CD28: variants seen among roughly 807,000 people sequenced by gnomAD.
The protein encoded by CD28 is T-cell-specific surface glycoprotein CD28.
A neutral mutation model predicts 21.4 loss-of-function variants in CD28; 8 were observed. The observed-to-expected ratio is 0.37, with a 90% CI of 0.22 to 0.68. The LOEUF is 0.68. Among genes scored for constraint, CD28 ranks in the 30% least tolerant of loss-of-function variants. CD28 has a pLI of 0.55. For missense variants in CD28, 239 were observed against 272.2 expected (o/e 0.88, Z 0.86); for synonymous variants, 106 against 104.0 (o/e 1.02, Z -0.12).
At chr2:203,710,183 G>A (rs1693273605) in intron 1 of CD28, among the ~76,000 whole-genome samples, 1 of 152,214 alleles carries the variant, frequency 6.6e-6, no homozygotes, top group Non-Finnish European at 1.5e-5. Flanking sequence ...CCAATATGCT[G>A]TGGCCAGTTT....
rs781705879 is a variant in CD28 at position 203,726,734 on chromosome 2, C to T, written c.154C>T (p.Arg52Trp). ...YSYNLFSREFRASLHKGLDSA... is the reference protein window; with the variant it reads ...YSYNLFSREFWASLHKGLDSA... ...CTACAATCTCTTCTCAAGGGAGTTCCGGGCATCCCTTCACAAAGGACTGGA... is the reference window on the plus strand; with the variant it reads ...CTACAATCTCTTCTCAAGGGAGTTCTGGGCATCCCTTCACAAAGGACTGGA... Residue 52 changes from arginine to tryptophan, a missense_variant, in exon 2 of 4, where the codon CGG (arginine) becomes TGG (tryptophan). Transcript: ENST00000324106. 7 of 1,613,948 alleles carry T rather than the reference C, an allele frequency of 4.3e-6. No homozygotes were observed. Among genetic ancestry groups the T allele is most frequent in the African/African-American group, 1.3e-5 (1 of 74,880 alleles).
At chr2:203,710,032 A>G (rs1389408545) in intron 1 of CD28, among the ~76,000 whole-genome samples, 1 of 152,274 alleles carries the variant, frequency 6.6e-6, no homozygotes, top group Admixed American at 6.5e-5. Context: ...GTCTTCAGCC[A>G]ATGACTCCCC....
intron 1 of CD28, among the ~76,000 whole-genome samples, chr2:203,720,962 T>G (rs564461890): frequency 6.6e-6 from 1 of 152,210 alleles, no homozygotes; most frequent in Admixed American, 6.5e-5. Context: ...TCCTGTGAGA[T>G]AGTTTCCTAT....
intron 1 of CD28, 77 bp downstream of exon 1, chr2:203,706,825 TA>T (rs1693169860): frequency 9.8e-6 from 11 of 1,117,874 alleles, no homozygotes; most frequent in Middle Eastern, 4.0e-4. Context: ...TTTAAATTTC[TA>T]ACAATGTGTG....
At chr2:203,730,684 T>G (rs142879259) in intron 3 of CD28, among the ~76,000 whole-genome samples, 16 of 152,362 alleles carry the variant, frequency 1.1e-4, no homozygotes, top group Non-Finnish European at 1.8e-4. Context: ...TCTCTTGATA[T>G]TCTCCATTTG....
At chr2:203,712,557 C>T (rs1392246131) in intron 1 of CD28, among the ~76,000 whole-genome samples, 1 of 152,138 alleles carries the variant, frequency 6.6e-6, no homozygotes, top group Non-Finnish European at 1.5e-5. Flanking sequence ...TTTTCTTTTC[C>T]ACTAGACTAT....
intron 3 of CD28, among the ~76,000 whole-genome samples, chr2:203,733,032 G>A (rs1693937820): frequency 6.6e-6 from 1 of 152,198 alleles, no homozygotes; most frequent in African/African-American, 2.4e-5. Flanking sequence ...GGCAAAGGGA[G>A]TCCTCAGGGT....
In CD28 at chr2:203,735,687, G is replaced by C. The variant is rs1033469988; in HGVS notation, c.*775G>C. ...GTTCTCCTACATGAAGAAAGAATATGTCAGGAAATAAGGTCACTTTATGTC... is the reference window on the plus strand; with the variant it reads ...GTTCTCCTACATGAAGAAAGAATATCTCAGGAAATAAGGTCACTTTATGTC... On this transcript the variant is annotated 3_prime_UTR_variant, in exon 4 of 4. Coordinates refer to ENST00000324106, the MANE Select transcript of CD28 (RefSeq NM_006139.4). 6.6e-6 allele frequency: 1 copy of C among 152,312 alleles called. No individual in the cohort carries two copies. The highest frequency in any genetic ancestry group is 1.5e-5 in the Non-Finnish European group (1 of 68,036). 9.4% of individuals were successfully genotyped at this position (152,312 alleles called of 1,614,324 possible). A position where few individuals can be genotyped will look rare whatever the true frequency, so the allele number is the denominator to read the frequency against.
intron 1 of CD28, among the ~76,000 whole-genome samples, chr2:203,708,439 G>T (rs967283144): frequency 1.3e-5 from 2 of 152,136 alleles, no homozygotes; most frequent in African/African-American, 4.8e-5. Context: ...GACAGTCAAG[G>T]GAAGCCTACC....
At chr2:203,724,240 GGGT>G (rs1693682119) in intron 1 of CD28, among the ~76,000 whole-genome samples, 1 of 152,174 alleles carries the variant, frequency 6.6e-6, no homozygotes, top group Admixed American at 6.5e-5. Context: ...GGAGGAAGCA[GGGT>G]GATGGTAAAT....
chr2:203,733,894 T>G (rs889478780), intron 3 of CD28, among the ~76,000 whole-genome samples: 4 of 152,096 alleles, frequency 2.6e-5, no homozygotes, highest in Admixed American at 1.3e-4. Context: ...CAGGCAGGAG[T>G]GTATGGAAAC....
chr2:203,713,834 TGAGA>T (rs879623291), intron 1 of CD28, among the ~76,000 whole-genome samples: 1 of 129,788 alleles, frequency 7.7e-6, no homozygotes, highest in African/African-American at 3.1e-5. Context: ...GTGCTGGACC[TGAGA>T]GAGAGAGAGA....
chr2:203,726,316 A>G (rs996537137), intron 1 of CD28, among the ~76,000 whole-genome samples: 2 of 152,210 alleles, frequency 1.3e-5, no homozygotes, highest in African/African-American at 4.8e-5. Flanking sequence ...ATGCATGATT[A>G]ATATTAATGT....
intron 3 of CD28, 141 bp from the exon 4 acceptor site, chr2:203,734,643 C>T: frequency 4.2e-6 from 4 of 950,852 alleles, no homozygotes; most frequent in Non-Finnish European, 6.7e-6. Flanking sequence ...TAGTCATTAC[C>T]CAAGTCCAAG....
In CD28 at chr2:203,726,632, G is replaced by T; in HGVS notation, c.53-1G>T. The T allele has an allele frequency of 1.3e-6, 2 of 1,590,534 alleles. No homozygotes were observed. Among genetic ancestry groups the T allele is most frequent in the Admixed American group, 1.8e-5 (1 of 55,266 alleles). On this transcript the variant is annotated splice_acceptor_variant, in intron 1 of 3. Coordinates refer to ENST00000324106, the MANE Select transcript of CD28 (RefSeq NM_006139.4). LOFTEE classifies it high-confidence loss of function. ...AAGCAAATGATTTTTTTTTCCCCCA[G>T]GAAACAAGATTTTGGTGAAGCAGTC...
intron 1 of CD28, among the ~76,000 whole-genome samples, chr2:203,719,742 T>C (rs1693556395): frequency 6.6e-6 from 1 of 152,210 alleles, no homozygotes; most frequent in Non-Finnish European, 1.5e-5. Flanking sequence ...GACAGCATTT[T>C]ATAGCCCTGT....
chr2:203,719,738 ATTT>A (rs1581506172), intron 1 of CD28, among the ~76,000 whole-genome samples: 1 of 152,280 alleles, frequency 6.6e-6, no homozygotes, highest in East Asian at 1.9e-4. Flanking sequence ...AAGAGACAGC[ATTT>A]TATAGCCCTG....
chr2:203,720,582 A>G (rs1693581107), intron 1 of CD28, among the ~76,000 whole-genome samples: 2 of 152,232 alleles, frequency 1.3e-5, no homozygotes, highest in Admixed American at 1.3e-4. Context: ...CGAGGGAGCT[A>G]CATATTTGGG....
At chr2:203,721,553 C>G (rs1250117987) in intron 1 of CD28, among the ~76,000 whole-genome samples, 1 of 152,040 alleles carries the variant, frequency 6.6e-6, no homozygotes. Context: ...AACACACACT[C>G]TCCCACCTCA....
Sources: allele counts gnomAD v4.1 joint callset (sites outside exome capture counted in the v4.1 genomes callset), GRCh38; gene constraint gnomAD v4.1.1; transcripts MANE v1.5; gene names NCBI Gene and HGNC (gene_info 2026-07-23, HGNC 2026-07-21).